The following ACOXL variants were observed in gnomAD, a reference collection of about 807,000 sequenced individuals.
The protein encoded by ACOXL is acyl-CoA oxidase like.
ACOXL carries 70 observed loss-of-function variants against 71.9 expected under a neutral mutation model. The observed-to-expected ratio is 0.97, with a 90% CI of 0.80 to 1.19. The LOEUF (loss-of-function observed/expected upper bound fraction) is 1.19. Ranked by LOEUF, ACOXL falls within the 50% of genes most tolerant of loss-of-function variation. ACOXL has a pLI of 0.00. For missense variants in ACOXL, 703 were observed against 736.3 expected, an observed-to-expected ratio of 0.95 and a Z score of 0.52; for synonymous variants, 253 against 281.6, an observed-to-expected ratio of 0.90 and a Z score of 1.02.
At chr2:111,094,906 G>A (rs1315592006) in intron 17 of ACOXL, among the ~76,000 whole-genome samples, 1 of 152,096 alleles carries the variant, frequency 6.6e-6, no homozygotes, top group East Asian at 1.9e-4. Context: ...GCCTAGTTTG[G>A]GCCTATTCAC....
chr2:110,818,423 A>ATGTGTG (rs766770172), intron 9 of ACOXL, among the ~76,000 whole-genome samples: 2 of 137,692 alleles, frequency 1.5e-5, no homozygotes, highest in African/African-American at 5.6e-5. Flanking sequence ...ATATATATAT[A>ATGTGTG]TGTGTGTGTG....
rs77126303 is a variant in ACOXL, at chr2:110,966,845, A to G, written c.1060-20263A>G. ...CAGAACTTGCCCCCAACCTGTCTCC[A>G]ACAAGGCAATGTGCATCAGCACTCC... On this transcript the variant is annotated intron_variant, in intron 12 of 17. Transcript: ENST00000439055. 7.3e-3 allele frequency among the ~76,000 whole-genome samples: 1,114 copies of G among 152,344 alleles called. 10 individuals carry two copies. Among genetic ancestry groups the G allele is most frequent in the African/African-American group, 0.025 (1,037 of 41,576 alleles).
chr2:111,083,511 G>T (rs1378098765), intron 16 of ACOXL, among the ~76,000 whole-genome samples: 1 of 151,998 alleles, frequency 6.6e-6, no homozygotes, highest in Non-Finnish European at 1.5e-5. Flanking sequence ...GTGATAACAT[G>T]TGCAAGGTGG....
intron 10 of ACOXL, among the ~76,000 whole-genome samples, chr2:110,842,957 T>G (rs573725590): frequency 3.3e-5 from 5 of 152,314 alleles, no homozygotes; most frequent in Admixed American, 2.0e-4. Flanking sequence ...GCTCTTCCCT[T>G]GTAACCCCAG....
intron 10 of ACOXL, among the ~76,000 whole-genome samples, chr2:110,874,930 C>G (rs550233961): frequency 3.3e-5 from 5 of 152,300 alleles, no homozygotes; most frequent in South Asian, 2.1e-4. Flanking sequence ...GCCGAGGTCT[C>G]TCTCTCCTGT....
At chr2:110,927,042 A>G (rs2060297347) in intron 11 of ACOXL, among the ~76,000 whole-genome samples, 1 of 152,314 alleles carries the variant, frequency 6.6e-6, no homozygotes. Flanking sequence ...TAGTTCCACA[A>G]GCCTAACAGG....
chr2:111,101,691 C>G (rs1219374265), intron 17 of ACOXL, among the ~76,000 whole-genome samples: 1 of 151,986 alleles, frequency 6.6e-6, no homozygotes, highest in Non-Finnish European at 1.5e-5. Flanking sequence ...CACCTCCACT[C>G]CATTCACCCC....
intron 12 of ACOXL, among the ~76,000 whole-genome samples, chr2:110,986,556 T>A (rs2062941824): frequency 6.6e-6 from 1 of 152,204 alleles, no homozygotes; most frequent in Non-Finnish European, 1.5e-5. Context: ...TTGCTAACCA[T>A]CAGCTGAGTT....
chr2:110,776,229 A>G (rs943245494), intron 2 of ACOXL, among the ~76,000 whole-genome samples: 1 of 152,144 alleles, frequency 6.6e-6, no homozygotes, highest in Non-Finnish European at 1.5e-5. Context: ...ATTCATAGAG[A>G]TTGGAAGTGG....
chr2:110,826,568 G>T (rs1689181566), intron 9 of ACOXL, among the ~76,000 whole-genome samples: 1 of 152,124 alleles, frequency 6.6e-6, no homozygotes, highest in African/African-American at 2.4e-5. Flanking sequence ...TCTGAACCTT[G>T]TATTTCAGAT....
At chr2:110,944,132 A>T (rs1005994524) in intron 12 of ACOXL, among the ~76,000 whole-genome samples, 3 of 152,062 alleles carry the variant, frequency 2.0e-5, no homozygotes, top group African/African-American at 7.2e-5. Context: ...ATCTTGGCTT[A>T]CTGCAACCTC....
chr2:111,045,914 C>T (rs2149812967), intron 15 of ACOXL, among the ~76,000 whole-genome samples: 2 of 152,254 alleles, frequency 1.3e-5, no homozygotes, highest in Admixed American at 1.3e-4. Flanking sequence ...TACACGTGCA[C>T]TTCAGTCCAG....
chr2:111,051,534 T>A (rs2066288543), intron 16 of ACOXL, among the ~76,000 whole-genome samples: 1 of 152,200 alleles, frequency 6.6e-6, no homozygotes, highest in African/African-American at 2.4e-5. Context: ...AGTGGCGTGA[T>A]CTTAGCTCAC....
In ACOXL at chr2:110,903,822, C is replaced by A. The variant is rs114133214; in HGVS notation, c.789-4967C>A. Reference sequence around the variant, plus strand: ...TGGACTGTCATGGCCCTTGGTGAGGCCAATGGGGCCTGAGAGCATAAATAA... The same window carrying A: ...TGGACTGTCATGGCCCTTGGTGAGGACAATGGGGCCTGAGAGCATAAATAA... On this transcript the variant is annotated intron_variant, in intron 10 of 17. Transcript: ENST00000439055. 9.1e-3 allele frequency among the ~76,000 whole-genome samples: 1,385 copies of A among 152,312 alleles called. 11 individuals are homozygous for A. Among genetic ancestry groups the A allele is most frequent in the Middle Eastern group, 0.058 (17 of 294 alleles).
At chr2:110,744,003 C>T (rs1262673889) in intron 1 of ACOXL, among the ~76,000 whole-genome samples, 1 of 152,178 alleles carries the variant, frequency 6.6e-6, no homozygotes, top group Non-Finnish European at 1.5e-5. Flanking sequence ...CTCTGGGGCC[C>T]CCCAGGCACT....
intron 16 of ACOXL, among the ~76,000 whole-genome samples, chr2:111,050,350 T>A (rs2066232648): frequency 6.6e-6 from 1 of 152,156 alleles, no homozygotes; most frequent in African/African-American, 2.4e-5. Context: ...GAACCCTGAT[T>A]TTTCAGAGTC....
intron 1 of ACOXL, among the ~76,000 whole-genome samples, chr2:110,734,026 A>G (rs116116078): frequency 1.9e-3 from 292 of 152,326 alleles, no homozygotes; most frequent in African/African-American, 5.7e-3. Context: ...AGAAGCAGAC[A>G]TGAGAATACA....
At chr2:110,993,974 A>G (rs1574418943) in intron 13 of ACOXL, among the ~76,000 whole-genome samples, 1 of 152,094 alleles carries the variant, frequency 6.6e-6, no homozygotes, top group Non-Finnish European at 1.5e-5. Flanking sequence ...TGCCTTTAGC[A>G]ATGTTTCTAT....
At chr2:111,001,622 C>T (rs934816381) in intron 14 of ACOXL, among the ~76,000 whole-genome samples, 1 of 152,170 alleles carries the variant, frequency 6.6e-6, no homozygotes, top group African/African-American at 2.4e-5. Flanking sequence ...CTGCATTATT[C>T]CCATTTTCCT....
Sources: allele counts gnomAD v4.1 joint callset (sites outside exome capture counted in the v4.1 genomes callset), GRCh38; gene constraint gnomAD v4.1.1; transcripts MANE v1.5; gene names NCBI Gene and HGNC (gene_info 2026-07-23, HGNC 2026-07-21).